Variants in SAMD12 observed in about 807,000 individuals in gnomAD.
The protein encoded by SAMD12 is sterile alpha motif domain containing 12.
Under a neutral mutation model 15.0 loss-of-function variants are expected in SAMD12, and 9 were observed. The ratio of observed to expected loss-of-function variants is 0.60; its 90% confidence interval spans 0.36 to 1.05. SAMD12 has a LOEUF of 1.05. SAMD12 is among the 50% of genes least tolerant of loss of function. The probability of loss-of-function intolerance (pLI) is 0.01; values close to 1 mark genes in which losing one functional copy is unlikely to be tolerated. For missense variants in SAMD12, 230 were observed against 234.2 expected (o/e 0.98, Z 0.12); for synonymous variants, 86 against 90.1 (o/e 0.96, Z 0.25).
intron 1 of SAMD12, among the ~76,000 whole-genome samples, chr8:118,621,345 T>G (rs1586864949): frequency 6.6e-6 from 1 of 152,144 alleles, no homozygotes; most frequent in Non-Finnish European, 1.5e-5. Context: ...CGAAGGGCCC[T>G]CGACCCAATC....
intron 2 of SAMD12, among the ~76,000 whole-genome samples, chr8:118,441,087 T>C (rs1822746012): frequency 6.6e-6 from 1 of 152,122 alleles, no homozygotes. Context: ...AGGAGTGTGA[T>C]TGTAACACCT....
chr8:118,556,970 A>AAAG (rs1297610377), intron 2 of SAMD12, among the ~76,000 whole-genome samples: 3 of 151,924 alleles, frequency 2.0e-5, no homozygotes, highest in African/African-American at 7.2e-5. Context: ...TCTCAAAAAA[A>AAAG]AAAGAAAGAA....
chr8:118,151,037 T>TA, the SAMD12 span, among the ~76,000 whole-genome samples: 3 of 150,884 alleles, frequency 2.0e-5, no homozygotes, highest in Admixed American at 6.6e-5. Context: ...GACCCATCTC[T>TA]AAAAAAATTT....
intron 2 of SAMD12, among the ~76,000 whole-genome samples, chr8:118,534,654 TTCTC>T (rs1317873750): frequency 6.6e-6 from 1 of 152,324 alleles, no homozygotes; most frequent in East Asian, 1.9e-4. Context: ...TTTTACTCTT[TTCTC>T]TCTAAATTTC....
In SAMD12 at chr8:118,537,083, A is replaced by T. The variant is rs186261207; in HGVS notation, c.192+43632T>A. 6.6e-5 allele frequency among the ~76,000 whole-genome samples: 10 copies of T among 152,222 alleles called. No individual in the cohort carries two copies. In the East Asian group the frequency reaches 1.4e-3, roughly 21 times the overall value. ...GGATACAAGTTTTTCCTCCTTCAGCACTTTAAATTGGTCATGCCACTCTTT... is the reference window on the plus strand; with the variant it reads ...GGATACAAGTTTTTCCTCCTTCAGCTCTTTAAATTGGTCATGCCACTCTTT... On this transcript the variant is annotated intron_variant, in intron 2 of 3. Coordinates refer to ENST00000314727, the MANE Select transcript of SAMD12 (RefSeq NM_207506.3).
At chr8:118,256,956 C>G (rs1812959314) in intron 4 of SAMD12, among the ~76,000 whole-genome samples, 1 of 152,004 alleles carries the variant, frequency 6.6e-6, no homozygotes, top group South Asian at 2.1e-4. Context: ...TTCTGCATTC[C>G]TCATTTCCTA....
chr8:118,163,841 C>G, the SAMD12 span, among the ~76,000 whole-genome samples: 2 of 151,910 alleles, frequency 1.3e-5, no homozygotes, highest in African/African-American at 2.4e-5. Context: ...CGCCACTGCC[C>G]TCCAGCCTGG....
At chr8:118,161,904 A>G in the SAMD12 span, among the ~76,000 whole-genome samples, 3 of 152,014 alleles carry the variant, frequency 2.0e-5, no homozygotes, top group African/African-American at 7.3e-5. Context: ...TCACATCTAT[A>G]ATCCCAGCAC....
intron 1 of SAMD12, among the ~76,000 whole-genome samples, chr8:118,598,826 A>G (rs1284010584): frequency 6.6e-6 from 1 of 152,220 alleles, no homozygotes; most frequent in Non-Finnish European, 1.5e-5. Flanking sequence ...CATCTGAAGA[A>G]CGTATGCAAT....
the SAMD12 span, among the ~76,000 whole-genome samples, chr8:118,153,290 C>T: frequency 1.2e-5 from 1 of 82,788 alleles, no homozygotes; most frequent in Non-Finnish European, 2.9e-5. Flanking sequence ...GGAAAGTAGT[C>T]CTAATAGGGA....
At chr8:118,237,708 A>C (rs184881595) in intron 4 of SAMD12, among the ~76,000 whole-genome samples, 2,000 of 152,312 alleles carry the variant, frequency 0.013, 59 homozygotes, top group African/African-American at 0.046. Flanking sequence ...TTGGGACTTC[A>C]GATGTCTTTG....
intron 2 of SAMD12, among the ~76,000 whole-genome samples, chr8:118,447,699 T>TTA (rs1563865899): frequency 1.5e-5 from 2 of 137,034 alleles, no homozygotes; most frequent in African/African-American, 2.7e-5. Flanking sequence ...TATTTTTTAT[T>TTA]TTTAATATTT....
chr8:118,390,766 C>A (rs979696112), intron 3 of SAMD12, among the ~76,000 whole-genome samples: 2 of 152,092 alleles, frequency 1.3e-5, no homozygotes, highest in African/African-American at 4.8e-5. Flanking sequence ...AATTGAAGGC[C>A]CCTTCTCTGG....
exon 5 of SAMD12, chr8:118,189,805 A>G (rs1481786480): frequency 2.6e-5 from 4 of 152,150 alleles, no homozygotes; most frequent in Non-Finnish European, 4.4e-5. Flanking sequence ...GTTTAGAGAA[A>G]AAAAGTTTCT....
intron 2 of SAMD12, among the ~76,000 whole-genome samples, chr8:118,535,209 T>G (rs1178569755): frequency 6.6e-6 from 1 of 152,136 alleles, no homozygotes; most frequent in Non-Finnish European, 1.5e-5. Flanking sequence ...TTGCTGGAGG[T>G]CCACTCCAGA....
At chr8:118,590,183 CA>C (rs1280001244) in intron 1 of SAMD12, among the ~76,000 whole-genome samples, 2 of 152,178 alleles carry the variant, frequency 1.3e-5, no homozygotes, top group East Asian at 3.9e-4. Flanking sequence ...GACAGCCTAG[CA>C]AGGTAGGAAA....
chr8:118,207,411 T>C (rs1819891041), intron 4 of SAMD12, among the ~76,000 whole-genome samples: 1 of 152,046 alleles, frequency 6.6e-6, no homozygotes, highest in South Asian at 2.1e-4. Context: ...GGCAAGTATC[T>C]CAAGCCATTA....
At chr8:118,514,820 T>C (rs1825187685) in intron 2 of SAMD12, among the ~76,000 whole-genome samples, 1 of 152,192 alleles carries the variant, frequency 6.6e-6, no homozygotes. Flanking sequence ...AGGACATCTG[T>C]ACTTAGGACG....
At chr8:118,161,431 T>C in the SAMD12 span, among the ~76,000 whole-genome samples, 1 of 151,128 alleles carries the variant, frequency 6.6e-6, no homozygotes, top group African/African-American at 2.4e-5. Flanking sequence ...CAAAAAAAAA[T>C]TAGCTGGGTG....
Sources: gnomAD v4.1 joint callset for allele counts (sites outside exome capture counted in the v4.1 genomes callset) on GRCh38, gnomAD v4.1.1 for gene constraint, MANE v1.5 for transcripts, NCBI Gene and HGNC (gene_info 2026-07-23, HGNC 2026-07-21) for gene names.